Variants in MYH15 observed in about 807,000 individuals in gnomAD.
MYH15 encodes the protein myosin heavy chain 15.
MYH15 carries 227 observed loss-of-function variants against 240.5 expected under a neutral mutation model. That is an observed-to-expected ratio of 0.94 (90% CI 0.85 to 1.05). The LOEUF is 1.05. MYH15 is among the 50% of genes least tolerant of loss of function. MYH15 has a pLI of 0.00. For synonymous variants in MYH15, 785 were observed against 796.7 expected, an observed-to-expected ratio of 0.99 and a Z score of 0.25; for missense variants, 2,217 against 2,247.5, an observed-to-expected ratio of 0.99 and a Z score of 0.27.
At position 108,399,233 on chromosome 3, in the gene MYH15, A is replaced by G. The variant is rs2107541094; in HGVS notation, c.4771T>C (p.Ser1591Pro). 6.2e-7 allele frequency: 1 copy of G among 1,614,150 alleles called. No homozygotes were observed. Among genetic ancestry groups the G allele is most frequent in the East Asian group, 2.2e-5 (1 of 44,880 alleles). ...CTCTTAGCTTCAGAATCCAGACTAG[A>G]CTGCAGGGAGTCAATGGTACACTGC... ...KQQCTIDSLQ[S>P]SLDSEAKSRI... Residue 1591 changes from serine (S) to proline (P), a missense_variant, in exon 34 of 41, where the codon TCT (serine) becomes CCT (proline). Coordinates refer to ENST00000693548, the MANE Select transcript of MYH15 (RefSeq NM_014981.3).
In MYH15 at chr3:108,470,151, T is replaced by A; in HGVS notation, c.1445A>T (p.Asn482Ile). 6.2e-7 allele frequency: 1 copy of A among 1,609,034 alleles called. No individual in the cohort carries two copies. Among genetic ancestry groups the A allele is most frequent in the Non-Finnish European group, 8.5e-7 (1 of 1,178,010 alleles). The change falls in exon 14 of 41, where the codon AAT (asparagine) becomes ATT (isoleucine). Residue 482 changes from asparagine (N) to isoleucine (I), a missense_variant. Coordinates refer to ENST00000693548, the MANE Select transcript of MYH15 (RefSeq NM_014981.3). ...TTGCTCCAGAACAAACATGTGCCAATTGAAGAATTGTTGTAATTTTTCATT... is the reference window on the plus strand; with the variant it reads ...TTGCTCCAGAACAAACATGTGCCAAATGAAGAATTGTTGTAATTTTTCATT... ...FTNEKLQQFF[N>I]WHMFVLEQEE...
At position 108,392,043 on chromosome 3, in the gene MYH15, A is replaced by G. The variant is rs889366813; in HGVS notation, c.5260-113T>C. ...TGGCTGCCACGCCTTGCCTCTATGT[A>G]TGTGATCTCTTCCCATTATAATCTC... is the stretch of plus-strand genomic sequence containing the variant. On this transcript the variant is annotated intron_variant, in intron 36 of 40. Coordinates refer to ENST00000693548, the MANE Select transcript of MYH15 (RefSeq NM_014981.3). 26 of 1,145,294 alleles carry G rather than the reference A, an allele frequency of 2.3e-5. No homozygotes were observed. In the African/African-American group the frequency reaches 3.6e-4, roughly 16 times the overall value. 70.9% of individuals were successfully genotyped at this position (1,145,294 alleles called of 1,614,324 possible).
At chr3:108,485,750 T>C (rs1465454081) in intron 10 of MYH15, among the ~76,000 whole-genome samples, 1 of 152,112 alleles carries the variant, frequency 6.6e-6, no homozygotes, top group Non-Finnish European at 1.5e-5. Flanking sequence ...AGGGAAAAAA[T>C]TGGTACAATC....
In MYH15 at chr3:108,464,728, G is replaced by C. The variant is rs377215115; in HGVS notation, c.1641C>G (p.Asn547Lys). 1 of 1,613,918 alleles carries C rather than the reference G, an allele frequency of 6.2e-7. No homozygotes were observed. The highest frequency in any genetic ancestry group is 1.7e-5 in the Admixed American group (1 of 60,002). ...DLTFKTKLFD[N>K]HFGKSVHLQK... ...GGAGATGAACCGACTTTCCAAAATG[G>C]TTGTCAAAGAGTTTGGTCTTGAAAG... Residue 547 changes from asparagine (N) to lysine (K), a missense_variant, in exon 15 of 41, where the codon AAC becomes AAG. Asn to Lys is a moderately conservative substitution (Grantham distance 94, BLOSUM62 0). Transcript: ENST00000693548.
intron 32 of MYH15, among the ~76,000 whole-genome samples, chr3:108,406,199 C>CA (rs1457225297): frequency 4.2e-5 from 6 of 142,506 alleles, no homozygotes; most frequent in African/African-American, 9.9e-5. Flanking sequence ...AAGAAGAAAT[C>CA]CAAAAAACAC....
chr3:108,473,564 C>A (rs982464272), intron 12 of MYH15, among the ~76,000 whole-genome samples: 4 of 152,172 alleles, frequency 2.6e-5, no homozygotes, highest in Admixed American at 6.5e-5. Flanking sequence ...CTAAGGGTCA[C>A]TATCTGTAGC....
chr3:108,384,854 G>C (rs539783839), intron 38 of MYH15, 72 bp from the exon 39 acceptor site: 1 of 1,299,262 alleles, frequency 7.7e-7, no homozygotes, highest in East Asian at 2.3e-5. Context: ...AGTCTCATGT[G>C]GGGAAATAAG....
At chr3:108,523,091 C>T (rs78752467) in intron 1 of MYH15, among the ~76,000 whole-genome samples, 5,363 of 151,986 alleles carry the variant, frequency 0.035, 132 homozygotes, top group Middle Eastern at 0.092. Context: ...TCATATGCTT[C>T]TGAGAAGGAG....
intron 1 of MYH15, among the ~76,000 whole-genome samples, chr3:108,528,821 G>A (rs2083692683): frequency 2.0e-5 from 3 of 152,122 alleles, no homozygotes; most frequent in African/African-American, 7.2e-5. Context: ...TTTTTGCCTT[G>A]GGGTTGGTCC....
At chr3:108,524,611 A>G (rs896031690) in intron 1 of MYH15, among the ~76,000 whole-genome samples, 3 of 152,040 alleles carry the variant, frequency 2.0e-5, no homozygotes, top group African/African-American at 4.8e-5. Context: ...GGAGGATTAT[A>G]AACAGTTATA....
At chr3:108,444,349 T>C (rs1293708109) in intron 22 of MYH15, among the ~76,000 whole-genome samples, 1 of 152,064 alleles carries the variant, frequency 6.6e-6, no homozygotes, top group Non-Finnish European at 1.5e-5. Flanking sequence ...GGTCATGGGC[T>C]ACATAGAAAC....
chr3:108,441,716 TTAATATACATCTCTTC>T (rs2082886539), intron 22 of MYH15, among the ~76,000 whole-genome samples: 1 of 152,212 alleles, frequency 6.6e-6, no homozygotes, highest in South Asian at 2.1e-4. Flanking sequence ...ATGTACGTGT[TTAATATACATCTCTTC>T]TAATAAATTG....
intron 27 of MYH15, among the ~76,000 whole-genome samples, chr3:108,425,330 A>C (rs1446815400): frequency 1.3e-5 from 2 of 152,248 alleles, no homozygotes; most frequent in East Asian, 1.9e-4. Flanking sequence ...ATTTTTAAGC[A>C]GGGACATAAT....
In MYH15 at chr3:108,428,916, A is replaced by C. The variant is rs779311791; in HGVS notation, c.3313-35T>G. On this transcript the variant is annotated intron_variant, in intron 26 of 40. Transcript: ENST00000693548. ...GAAATAATTTTGACTTTTACTAAGC[A>C]CTTGTAGCAAGAGCTTTACTCTATT... The C allele has an allele frequency of 3.9e-6, 6 of 1,547,404 alleles. No individual in the cohort carries two copies. In the East Asian group the frequency reaches 1.1e-4, roughly 29 times the overall value.
At position 108,454,025 on chromosome 3, in the gene MYH15, G is replaced by A; in HGVS notation, c.2380C>T (p.Gln794Ter). The A allele has an allele frequency of 6.2e-7, 1 of 1,611,464 alleles. No homozygotes were observed. The highest frequency in any genetic ancestry group is 8.5e-7 in the Non-Finnish European group (1 of 1,178,258). Residue 794 changes from glutamine to a stop codon, truncating the protein, a stop_gained, in exon 21 of 41, where the codon CAG becomes TAG. Coordinates refer to ENST00000693548, the MANE Select transcript of MYH15 (RefSeq NM_014981.3). LOFTEE classifies it high-confidence loss of function. ...TAATACCTTTCTTCCAGAATCTTCT[G>A]GAATTTGATTCGCATCAGTTTGCCC... The part of the protein sequence containing the change: ...AQGKLMRIKF[Q>*]KILEERDALI...
Position 108,519,378 on chromosome 3 carries a change from G to A in MYH15, c.-57-8791C>T, listed in dbSNP as rs528131005. Among the ~76,000 whole-genome samples the A allele has an allele frequency of 1.6e-3, 240 of 152,266 alleles. 1 individual carries two copies. The highest frequency in any genetic ancestry group is 0.012 in the South Asian group (60 of 4,816). ...TGAATTGTATTGCTCCAAGATTTTT[G>A]AATCCATGGAGTCTTAGAACTAAAA... On this transcript the variant is annotated intron_variant, in intron 1 of 41. Transcript: ENST00000273353.
At chr3:108,452,291 G>T (rs2082980426) in intron 21 of MYH15, among the ~76,000 whole-genome samples, 1 of 152,046 alleles carries the variant, frequency 6.6e-6, no homozygotes, top group Admixed American at 6.6e-5. Context: ...TCCACAAATT[G>T]TTATCAGAAA....
intron 1 of MYH15, among the ~76,000 whole-genome samples, chr3:108,508,660 C>A (rs1171246427): frequency 1.3e-5 from 2 of 152,100 alleles, no homozygotes; most frequent in African/African-American, 4.8e-5. Flanking sequence ...TCAGAGATAA[C>A]CACTGTTATG....
chr3:108,517,229 C>T (rs2083580679), intron 1 of MYH15, among the ~76,000 whole-genome samples: 1 of 152,208 alleles, frequency 6.6e-6, no homozygotes, highest in African/African-American at 2.4e-5. Context: ...GCTCTTTAAT[C>T]CTTTCAGAAC....
Sources: gnomAD v4.1 joint callset for allele counts (sites outside exome capture counted in the v4.1 genomes callset) on GRCh38, gnomAD v4.1.1 for gene constraint, MANE v1.5 for transcripts, NCBI Gene and HGNC (gene_info 2026-07-23, HGNC 2026-07-21) for gene names.